Variants in CCDC51 observed in about 807,000 individuals in gnomAD.
CCDC51 encodes mitochondrial potassium channel.
CCDC51 carries 25 observed loss-of-function variants against 24.8 expected under a neutral mutation model. The ratio of observed to expected loss-of-function variants is 1.01; its 90% CI spans 0.73 to 1.41. The LOEUF is 1.41. Ranked by LOEUF, CCDC51 falls within the 40% of genes most tolerant of loss-of-function variation. The pLI is 0.00. For missense variants in CCDC51, 466 were observed against 519.1 expected (o/e 0.90, Z 0.99); for synonymous variants, 190 against 204.3 (o/e 0.93, Z 0.60).
chr3:48,440,265 T>G (rs781252946), upstream of CCDC51: 1 of 1,584,124 alleles, frequency 6.3e-7, no homozygotes, highest in Non-Finnish European at 8.6e-7. Flanking sequence ...CCGTTTCCGG[T>G]GGCAGGGTCT....
upstream of CCDC51, among the ~76,000 whole-genome samples, chr3:48,443,066 C>A (rs1181473000): frequency 1.3e-5 from 2 of 151,600 alleles, no homozygotes; most frequent in Admixed American, 6.6e-5. Context: ...ATGGTCAAAC[C>A]CCATCTCTAC....
At position 48,433,984 on chromosome 3, in the gene CCDC51, G is replaced by C. The variant is rs1468564058; in HGVS notation, c.313-113C>G. The C allele has an allele frequency of 7.4e-6, 11 of 1,486,470 alleles. No individual in the cohort carries two copies. Among genetic ancestry groups the C allele is most frequent in the Admixed American group, 2.4e-5 (1 of 42,498 alleles). The allele number at this position is 1,486,470 out of a possible 1,614,324, so 92.1% of individuals were successfully genotyped here. A position where few individuals can be genotyped will look rare whatever the true frequency, so the allele number is the denominator to read the frequency against. ...AGGTCACTGGGGTGTGAGCTGCAAA[G>C]GGTGGAAACGGAATTCCTTAGACAC... On this transcript the variant is annotated intron_variant, in intron 2 of 3. Coordinates refer to ENST00000395694, the MANE Select transcript of CCDC51 (RefSeq NM_001256964.2). This position sits in a 1 kb window ranked among gnomAD's most constrained non-coding sequence, Gnocchi z 4.4.
rs773167698 is a variant in CCDC51, at chr3:48,432,618, C to T, written c.1026G>A (p.Lys342=). Residue 342 remains lysine (K), a synonymous_variant, in exon 4 of 4, where the codon AAG becomes AAA. Coordinates refer to ENST00000395694, the MANE Select transcript of CCDC51 (RefSeq NM_001256964.2). ...CCACCAGGCCTGGGTGTGCTGCAGA[C>T]TTTACAAGCTGAACCACCCCAGCCA... ...SQMAGVVQLV[K]SAAHPGLVEP... is the part of the protein sequence containing the mutation. 6 of 1,614,276 alleles carry T rather than the reference C, an allele frequency of 3.7e-6. No individual in the cohort carries two copies. Among genetic ancestry groups the T allele is most frequent in the Non-Finnish European group, 5.1e-6 (6 of 1,180,054 alleles).
chr3:48,444,361 C>T (rs2039630004), upstream of CCDC51, among the ~76,000 whole-genome samples: 1 of 152,178 alleles, frequency 6.6e-6, no homozygotes, highest in African/African-American at 2.4e-5. Context: ...CAACCTCCAC[C>T]TCCCGGGTTC....
chr3:48,440,352 G>A (rs775498178), upstream of CCDC51: 2 of 1,611,808 alleles, frequency 1.2e-6, no homozygotes, highest in Non-Finnish European at 1.7e-6. Flanking sequence ...GGGACGGCGG[G>A]GTGGGGACCG....
Position 48,434,943 on chromosome 3 carries a change from T to G in CCDC51, c.186A>C (p.Ala62=), listed in dbSNP as rs764750440. 1.2e-6 allele frequency: 2 copies of G among 1,614,108 alleles called. No individual in the cohort carries two copies. Residue 62 remains alanine, a synonymous_variant, in exon 2 of 4, where the codon GCA becomes GCC. Coordinates refer to ENST00000395694, the MANE Select transcript of CCDC51 (RefSeq NM_001256964.2). ...TGCTGTGCCCCAGGGCTCTTCCCAG[T>G]GCTGGGAGGCGGTGGTGCAGCCCCA... ...VALGLHHRLP[A]LGRALGHSIQ...
Position 48,433,680 on chromosome 3 carries a change from G to A in CCDC51, c.477+27C>T, listed in dbSNP as rs199833184. ...CAGGCTAGGGTCACTGTCCAGGTGC[G>A]AAAGGGCTGCCTCCTGAGGTGCCTA... is the stretch of plus-strand genomic sequence containing the variant. On this transcript the variant is annotated intron_variant, in intron 3 of 3. Coordinates refer to ENST00000395694, the MANE Select transcript of CCDC51 (RefSeq NM_001256964.2). The surrounding 1 kb of genome is among the most constrained non-coding windows in gnomAD (Gnocchi z 4.4). 115 of 1,603,968 alleles carry A rather than the reference G, an allele frequency of 7.2e-5. No individual in the cohort carries two copies. Among genetic ancestry groups the A allele is most frequent in the Admixed American group, 6.7e-5 (4 of 59,430 alleles).
chr3:48,440,607 G>A (rs1221226556), upstream of CCDC51: 8 of 1,611,690 alleles, frequency 5.0e-6, no homozygotes, highest in Non-Finnish European at 6.8e-6. Flanking sequence ...AAAAGCGAAG[G>A]CCGCGGGGAA....
At chr3:48,443,927 G>T, upstream of CCDC51, 1 of 1,422,330 alleles carries the variant, frequency 7.0e-7, no homozygotes, top group Non-Finnish European at 9.4e-7. Context: ...TATTTCATCT[G>T]TATTTAAACC....
chr3:48,442,345 C>G (rs909706760), upstream of CCDC51, among the ~76,000 whole-genome samples: 4 of 150,862 alleles, frequency 2.7e-5, no homozygotes, highest in African/African-American at 9.8e-5. Context: ...TAGTGTAACT[C>G]TATGCTAGTT....
At chr3:48,441,506 G>A (rs1022975638), upstream of CCDC51, among the ~76,000 whole-genome samples, 5 of 145,762 alleles carry the variant, frequency 3.4e-5, no homozygotes, top group African/African-American at 5.1e-5. Context: ...TTTTCGTACT[G>A]CTTATATTAT....
chr3:48,443,469 G>A (rs545495108), upstream of CCDC51, among the ~76,000 whole-genome samples: 2 of 152,052 alleles, frequency 1.3e-5, no homozygotes, highest in African/African-American at 4.8e-5. Flanking sequence ...GGGAGGCAGA[G>A]GTTGCAGTGA....
chr3:48,441,169 CCACGCCTGGCTA>C (rs1243572225), upstream of CCDC51: 1 of 153,382 alleles, frequency 6.5e-6, no homozygotes, highest in Non-Finnish European at 1.5e-5. Flanking sequence ...GCGCCTGGCA[CCACGCCTGGCTA>C]ATTTTTTTTT....
At chr3:48,441,480 G>C (rs1264654716), upstream of CCDC51, among the ~76,000 whole-genome samples, 1 of 119,048 alleles carries the variant, frequency 8.4e-6, no homozygotes, top group African/African-American at 3.1e-5. Context: ...ACAGCACCTG[G>C]CCAACTTTTT....
Position 48,433,234 on chromosome 3 carries a change from C to G in CCDC51, c.478-68G>C. 6.9e-7 allele frequency: 1 copy of G among 1,453,072 alleles called. No individual in the cohort carries two copies. 90.0% of individuals were successfully genotyped at this position (1,453,072 alleles called of 1,614,324 possible). ...GTGGCCCTGCAGCTATAGCCACCAG[C>G]AGATGGCTCACTACCTTGTGCCTGG... On this transcript the variant is annotated intron_variant, in intron 3 of 3. Transcript: ENST00000395694. This position sits in a 1 kb window ranked among gnomAD's most constrained non-coding sequence, Gnocchi z 4.4.
rs1560088385 is a variant in CCDC51, at chr3:48,433,033, GACC to G, written c.608_610del (p.Trp203del). 1 of 1,614,198 alleles carries G rather than the reference GACC, an allele frequency of 6.2e-7. No individual in the cohort carries two copies. Among genetic ancestry groups the G allele is most frequent in the Non-Finnish European group, 8.5e-7 (1 of 1,180,046 alleles). On this transcript the variant is annotated inframe_deletion, in exon 4 of 4. Transcript: ENST00000395694. The surrounding 1 kb of genome is among the most constrained non-coding windows in gnomAD (Gnocchi z 4.4). ...GGCCCCCAGGACTGAGCCAATGAGG[GACC>G]AGTTCTTGGTCCTCTCAGCCCTTGT...
At chr3:48,445,544 TACTTGGTGGA>T in the CCDC51 span, among the ~76,000 whole-genome samples, 1 of 152,200 alleles carries the variant, frequency 6.6e-6, no homozygotes, top group Admixed American at 6.5e-5. Context: ...GAAAGCAAGT[TACTTGGTGGA>T]ACCTATCCCT....
At chr3:48,440,281 A>C, upstream of CCDC51, 2 of 1,600,022 alleles carry the variant, frequency 1.2e-6, no homozygotes, top group East Asian at 2.2e-5. Context: ...GGTCTGGGGA[A>C]GCGGCGGCAG....
In CCDC51 at chr3:48,434,946, T is replaced by C. The variant is rs749944612; in HGVS notation, c.183A>G (p.Pro61=). ...EVALGLHHRL[P]ALGRALGHSI... is the part of the protein sequence containing the mutation. The stretch of plus-strand genomic sequence containing the variant: ...TGTGCCCCAGGGCTCTTCCCAGTGC[T>C]GGGAGGCGGTGGTGCAGCCCCAGGG... The change falls in exon 2 of 4, where the codon CCA becomes CCG. Residue 61 remains proline, a synonymous_variant. Coordinates refer to ENST00000395694, the MANE Select transcript of CCDC51 (RefSeq NM_001256964.2). 1 of 1,614,240 alleles carries C rather than the reference T, an allele frequency of 6.2e-7. No homozygotes were observed. The highest frequency in any genetic ancestry group is 1.1e-5 in the South Asian group (1 of 91,080).
Sources: gnomAD v4.1 joint callset for allele counts (sites outside exome capture counted in the v4.1 genomes callset) on GRCh38, gnomAD v4.1.1 for gene constraint, Gnocchi (gnomAD v3.1) non-coding constraint, MANE v1.5 for transcripts, NCBI Gene and HGNC (gene_info 2026-07-23, HGNC 2026-07-21) for gene names.